PPP1R1C: variants seen among roughly 807,000 people sequenced by gnomAD.
PPP1R1C encodes protein phosphatase 1 regulatory subunit 1C.
A neutral mutation model predicts 17.4 loss-of-function variants in PPP1R1C; 15 were observed. The ratio of observed to expected loss-of-function variants is 0.86; its 90% CI spans 0.58 to 1.33. The LOEUF (loss-of-function observed/expected upper bound fraction) is 1.33, where lower values mean the gene tolerates loss of function less well. PPP1R1C is among the 40% of genes most tolerant of loss of function. The probability of loss-of-function intolerance (pLI) is 0.00; values close to 1 mark genes in which losing one functional copy is unlikely to be tolerated. For missense variants in PPP1R1C, 143 were observed against 130.0 expected (o/e 1.10, Z -0.48); for synonymous variants, 35 against 43.1 (o/e 0.81, Z 0.73).
At chr2:182,129,790 A>G (rs761428148) in exon 6 of PPP1R1C, 1 of 152,148 alleles carries the variant, frequency 6.6e-6, no homozygotes, top group Non-Finnish European at 1.5e-5. Flanking sequence ...TAGGAGCCAT[A>G]GACTTTTATT....
chr2:181,993,133 T>A (rs918107969), intron 2 of PPP1R1C, among the ~76,000 whole-genome samples: 4 of 152,186 alleles, frequency 2.6e-5, no homozygotes, highest in Non-Finnish European at 5.9e-5. Flanking sequence ...TAAGATTGAA[T>A]TGTTCAAAAC....
chr2:182,106,457 A>G (rs1689254940), intron 4 of PPP1R1C, among the ~76,000 whole-genome samples: 1 of 152,202 alleles, frequency 6.6e-6, no homozygotes, highest in Non-Finnish European at 1.5e-5. Context: ...AATTTGGTTG[A>G]GGGTGGTGGT....
downstream of PPP1R1C, chr2:182,131,149 C>G (rs1314711197): frequency 6.6e-6 from 1 of 151,954 alleles, no homozygotes; most frequent in African/African-American, 2.4e-5. Context: ...AATTAATCTC[C>G]TTGTTTTCTT....
At chr2:181,985,032 C>T (rs948103653), upstream of PPP1R1C, among the ~76,000 whole-genome samples, 2 of 152,182 alleles carry the variant, frequency 1.3e-5, no homozygotes, top group Admixed American at 6.5e-5. This position sits in a 1 kb window ranked among gnomAD's most constrained non-coding sequence, Gnocchi z 4.1. Context: ...AAGTCCTTAT[C>T]TTTACATACA....
chr2:181,981,855 A>G (rs1283776156), upstream of PPP1R1C, among the ~76,000 whole-genome samples: 21 of 152,226 alleles, frequency 1.4e-4, no homozygotes, highest in Admixed American at 1.4e-3. Flanking sequence ...TCATTGCATT[A>G]GGGCTAGAAA....
At chr2:182,099,236 T>A (rs1341778438) in intron 4 of PPP1R1C, among the ~76,000 whole-genome samples, 1 of 152,224 alleles carries the variant, frequency 6.6e-6, no homozygotes, top group Non-Finnish European at 1.5e-5. Context: ...TTAGTAGCAG[T>A]AGTACTTCCC....
chr2:182,064,754 G>T (rs1224615027), intron 4 of PPP1R1C, among the ~76,000 whole-genome samples: 1 of 151,484 alleles, frequency 6.6e-6, no homozygotes, highest in Non-Finnish European at 1.5e-5. Flanking sequence ...CATCAGCATT[G>T]TAGTTTATTC....
intron 4 of PPP1R1C, among the ~76,000 whole-genome samples, chr2:182,087,292 C>A (rs1052304194): frequency 2.0e-5 from 3 of 152,198 alleles, no homozygotes; most frequent in African/African-American, 7.2e-5. Context: ...TGTGACCTGT[C>A]TGACCTCTTG....
At chr2:181,994,055 G>A (rs1355292040) in intron 2 of PPP1R1C, among the ~76,000 whole-genome samples, 1 of 152,086 alleles carries the variant, frequency 6.6e-6, no homozygotes, top group Non-Finnish European at 1.5e-5. Context: ...AATTCATCAG[G>A]AGAGGAAGAT....
intron 4 of PPP1R1C, among the ~76,000 whole-genome samples, chr2:182,102,495 A>G (rs1439677013): frequency 6.6e-6 from 1 of 152,216 alleles, no homozygotes; most frequent in Admixed American, 6.5e-5. Context: ...CATTTGAGGA[A>G]GAAATAAAAG....
At chr2:182,099,895 A>G (rs1291196295) in intron 4 of PPP1R1C, among the ~76,000 whole-genome samples, 1 of 152,194 alleles carries the variant, frequency 6.6e-6, no homozygotes, top group East Asian at 1.9e-4. Context: ...GTATGAAATC[A>G]GCTGTGAAGA....
intron 4 of PPP1R1C, among the ~76,000 whole-genome samples, chr2:182,107,162 A>C (rs1434238508): frequency 1.3e-5 from 2 of 152,210 alleles, no homozygotes; most frequent in Non-Finnish European, 2.9e-5. Context: ...TTGCCAGGGG[A>C]AAATGAACTT....
chr2:182,039,982 A>G (rs907886834), intron 2 of PPP1R1C, among the ~76,000 whole-genome samples: 3 of 152,148 alleles, frequency 2.0e-5, no homozygotes, highest in African/African-American at 7.2e-5. Context: ...AAAAGACATT[A>G]TTTCATTCTT....
intron 4 of PPP1R1C, among the ~76,000 whole-genome samples, chr2:182,094,709 T>TCTGGA (rs1688881200): frequency 6.6e-6 from 1 of 152,136 alleles, no homozygotes; most frequent in Non-Finnish European, 1.5e-5. Context: ...GTTGCACTTT[T>TCTGGA]TTGAATTGCA....
intron 2 of PPP1R1C, chr2:182,030,812 C>G (rs549437191): frequency 6.2e-6 from 1 of 160,248 alleles, no homozygotes; most frequent in African/African-American, 2.4e-5. Context: ...CTCCCCTAGC[C>G]TCGCTGCCGC....
At chr2:181,987,798 C>G in intron 1 of PPP1R1C, 41 bp from the exon 2 acceptor site, 1 of 1,599,228 alleles carries the variant, frequency 6.3e-7, no homozygotes, top group Non-Finnish European at 8.6e-7. Flanking sequence ...GGAGCAGTGT[C>G]TAATACTCAC....
intron 2 of PPP1R1C, among the ~76,000 whole-genome samples, chr2:182,026,463 G>T (rs1401545980): frequency 7.3e-6 from 1 of 136,280 alleles, no homozygotes; most frequent in Non-Finnish European, 1.6e-5. Context: ...TTATTAAATA[G>T]GGAATCCTTT....
intron 2 of PPP1R1C, among the ~76,000 whole-genome samples, chr2:182,002,887 C>T (rs189193771): frequency 3.3e-5 from 5 of 149,858 alleles, no homozygotes; most frequent in African/African-American, 1.2e-4. Context: ...CTTCGTCTTC[C>T]ATAACTGGTA....
intron 2 of PPP1R1C, among the ~76,000 whole-genome samples, chr2:182,018,340 G>A (rs1285961421): frequency 2.0e-5 from 3 of 152,220 alleles, no homozygotes; most frequent in African/African-American, 7.2e-5. Flanking sequence ...ATATAAAGGA[G>A]TTGCAATAAG....
Sources: gnomAD v4.1 joint callset for allele counts (sites outside exome capture counted in the v4.1 genomes callset) on GRCh38, gnomAD v4.1.1 for gene constraint, Gnocchi (gnomAD v3.1) non-coding constraint, MANE v1.5 for transcripts, NCBI Gene and HGNC (gene_info 2026-07-23, HGNC 2026-07-21) for gene names.